COL23A1: variants seen among roughly 807,000 people sequenced by gnomAD.
The protein encoded by COL23A1 is collagen alpha-1(XXIII) chain.
A neutral mutation model predicts 99.3 loss-of-function variants in COL23A1; 97 were observed. The observed-to-expected ratio is 0.98, with a 90% CI of 0.83 to 1.16. The LOEUF (loss-of-function observed/expected upper bound fraction) is 1.16, where lower values mean the gene tolerates loss of function less well. COL23A1 is among the 50% of genes most tolerant of loss of function. The pLI is 0.00. For missense variants in COL23A1, 762 were observed against 757.4 expected (o/e 1.01, Z -0.07); for synonymous variants, 320 against 308.2 (o/e 1.04, Z -0.40).
chr5:178,476,074 G>A (rs931771857), intron 2 of COL23A1, among the ~76,000 whole-genome samples: 7 of 152,124 alleles, frequency 4.6e-5, no homozygotes, highest in East Asian at 3.9e-4. Context: ...CATCTTGGAC[G>A]CTAATCTGCC....
intron 2 of COL23A1, among the ~76,000 whole-genome samples, chr5:178,451,477 G>A (rs780469078): frequency 2.0e-5 from 3 of 151,982 alleles, no homozygotes; most frequent in Non-Finnish European, 4.4e-5. Flanking sequence ...CCAACATGGT[G>A]AAACCCTGTC....
intron 2 of COL23A1, among the ~76,000 whole-genome samples, chr5:178,507,852 G>A (rs1321924320): frequency 6.6e-6 from 1 of 152,162 alleles, no homozygotes. Context: ...TGAGAACTGT[G>A]GGTTTGTGTT....
intron 2 of COL23A1, among the ~76,000 whole-genome samples, chr5:178,529,325 G>A (rs981965138): frequency 6.6e-6 from 1 of 152,070 alleles, no homozygotes; most frequent in African/African-American, 2.4e-5. Flanking sequence ...TCACAGTGAA[G>A]CCCAGAGTCA....
intron 2 of COL23A1, among the ~76,000 whole-genome samples, chr5:178,388,094 C>T (rs750593437): frequency 6.6e-6 from 1 of 152,182 alleles, no homozygotes; most frequent in African/African-American, 2.4e-5. Flanking sequence ...AGAGCCCTTC[C>T]GTTATTGCTG....
At chr5:178,535,885 C>T (rs1371363470) in intron 2 of COL23A1, among the ~76,000 whole-genome samples, 2 of 152,264 alleles carry the variant, frequency 1.3e-5, no homozygotes, top group African/African-American at 4.8e-5. Context: ...AGGTGCCTGG[C>T]CCAGTGTGAG....
intron 2 of COL23A1, among the ~76,000 whole-genome samples, chr5:178,347,534 C>T (rs867495940): frequency 2.0e-5 from 3 of 151,884 alleles, no homozygotes; most frequent in East Asian, 3.9e-4. Context: ...ACACTAAAAA[C>T]CACCGAGTCA....
chr5:178,300,947 G>T (rs1451420359), intron 3 of COL23A1, among the ~76,000 whole-genome samples: 2 of 152,150 alleles, frequency 1.3e-5, no homozygotes, highest in African/African-American at 4.8e-5. Flanking sequence ...CTTGGAGTTT[G>T]TTGAGCTTCT....
At chr5:178,567,816 G>A (rs1762909434) in intron 1 of COL23A1, among the ~76,000 whole-genome samples, 1 of 151,830 alleles carries the variant, frequency 6.6e-6, no homozygotes, top group African/African-American at 2.4e-5. Flanking sequence ...ATATCCTTGA[G>A]TCTACAGTGA....
At chr5:178,579,057 T>G (rs1212810684) in intron 1 of COL23A1, among the ~76,000 whole-genome samples, 1 of 152,204 alleles carries the variant, frequency 6.6e-6, no homozygotes, top group Non-Finnish European at 1.5e-5. Context: ...AACTCACATT[T>G]CTCTGCTCCT....
At chr5:178,543,413 T>TG (rs1761405777) in intron 2 of COL23A1, among the ~76,000 whole-genome samples, 1 of 152,154 alleles carries the variant, frequency 6.6e-6, no homozygotes, top group African/African-American at 2.4e-5. Flanking sequence ...GACCTATAGT[T>TG]GGTTTTTATA....
At chr5:178,572,489 T>A (rs900383258) in intron 1 of COL23A1, among the ~76,000 whole-genome samples, 2 of 151,258 alleles carry the variant, frequency 1.3e-5, no homozygotes, top group Non-Finnish European at 3.0e-5. Context: ...CATAATCAGA[T>A]TGCTTAAAAC....
At chr5:178,552,771 T>G (rs1400639095) in intron 2 of COL23A1, among the ~76,000 whole-genome samples, 1 of 150,832 alleles carries the variant, frequency 6.6e-6, no homozygotes, top group Non-Finnish European at 1.5e-5. Context: ...TGGGGTGCAG[T>G]GGTGCGATCT....
Position 178,256,408 on chromosome 5 carries a change from A to G in COL23A1, c.838-11T>C, listed in dbSNP as rs778117281. On this transcript the variant is annotated splice_polypyrimidine_tract_variant and intron_variant, in intron 14 of 28. Transcript: ENST00000390654. ...GTGGCCAGGCTCCCCCTGTGGAGACATGCATTTGCAGCCAGAGGTGCAGCT... is the reference window on the plus strand; with the variant it reads ...GTGGCCAGGCTCCCCCTGTGGAGACGTGCATTTGCAGCCAGAGGTGCAGCT... 31 of 1,604,154 alleles carry G rather than the reference A, an allele frequency of 1.9e-5. No homozygotes were observed. Among genetic ancestry groups the G allele is most frequent in the South Asian group, 8.9e-5 (8 of 90,184 alleles).
chr5:178,401,871 A>G (rs887162560), intron 2 of COL23A1, among the ~76,000 whole-genome samples: 31 of 152,198 alleles, frequency 2.0e-4, no homozygotes, highest in African/African-American at 7.5e-4. Context: ...GCTGGAGTGC[A>G]ATGGCGCAAT....
rs201868913 is a variant in COL23A1, at chr5:178,358,158, GTA to G, written c.362-51241_362-51240del. Among the ~76,000 whole-genome samples, 976 of 149,996 alleles carry G rather than the reference GTA, an allele frequency of 6.5e-3. 8 individuals carry two copies. Among genetic ancestry groups the G allele is most frequent in the Non-Finnish European group, 9.9e-3 (667 of 67,356 alleles). ...CTAATGTGTGTGTATGTGTATGTGTGTATGTCTAATGTGTATGTGTATGTATG... is the reference window on the plus strand; with the variant it reads ...CTAATGTGTGTGTATGTGTATGTGTGTGTCTAATGTGTATGTGTATGTATG... On this transcript the variant is annotated intron_variant, in intron 2 of 28. Coordinates refer to ENST00000390654, the MANE Select transcript of COL23A1 (RefSeq NM_173465.4).
intron 2 of COL23A1, among the ~76,000 whole-genome samples, chr5:178,548,198 G>A (rs1046179881): frequency 3.3e-5 from 5 of 151,212 alleles, no homozygotes; most frequent in South Asian, 2.1e-4. Flanking sequence ...TCCCGGCACC[G>A]TGTGTACAGA....
intron 5 of COL23A1, among the ~76,000 whole-genome samples, chr5:178,275,269 G>C (rs1404618812): frequency 3.9e-5 from 6 of 152,242 alleles, no homozygotes; most frequent in Admixed American, 1.3e-4. Context: ...CGGGCAAGCA[G>C]ACACTGGATT....
intron 2 of COL23A1, among the ~76,000 whole-genome samples, chr5:178,450,249 G>C (rs546362437): frequency 7.2e-6 from 1 of 139,698 alleles, no homozygotes; most frequent in Admixed American, 7.0e-5. Context: ...CTGGTTGTCC[G>C]CAAGGATCGT....
At chr5:178,497,860 G>A (rs1301943542) in intron 2 of COL23A1, among the ~76,000 whole-genome samples, 1 of 151,792 alleles carries the variant, frequency 6.6e-6, no homozygotes, top group Non-Finnish European at 1.5e-5. Context: ...GACATATGAA[G>A]AACAGAATGA....
Sources: allele counts gnomAD v4.1 joint callset (sites outside exome capture counted in the v4.1 genomes callset), GRCh38; gene constraint gnomAD v4.1.1; transcripts MANE v1.5; gene names NCBI Gene and HGNC (gene_info 2026-07-23, HGNC 2026-07-21).